SEPTIN9: variants seen among roughly 807,000 people sequenced by gnomAD.
SEPTIN9 encodes septin 9.
SEPTIN9 carries 13 observed loss-of-function variants against 56.6 expected under a neutral mutation model. The observed-to-expected ratio is 0.23, with a 90% CI of 0.15 to 0.37. The LOEUF is 0.37. Ranked by LOEUF, SEPTIN9 falls within the 10% of genes least tolerant of loss-of-function variation. The pLI, the probability that SEPTIN9 is intolerant of heterozygous loss-of-function variation, is 1.00. For synonymous variants in SEPTIN9, 332 were observed against 334.1 expected, an observed-to-expected ratio of 0.99 and a Z score of 0.07; for missense variants, 650 against 823.1, an observed-to-expected ratio of 0.79 and a Z score of 2.57.
At chr17:77,446,923 A>G (rs547495671) in intron 3 of SEPTIN9, 1 of 167,266 alleles carries the variant, frequency 6.0e-6, no homozygotes, top group South Asian at 2.1e-4. Context: ...TTGTGCTAAA[A>G]TGCACAGAAC....
chr17:77,474,224 C>T (rs2039120093), intron 3 of SEPTIN9, among the ~76,000 whole-genome samples: 1 of 152,126 alleles, frequency 6.6e-6, no homozygotes, highest in African/African-American at 2.4e-5. Context: ...TTGGCAGGGG[C>T]CCCAGGGCAG....
chr17:77,328,452 G>A (rs936055395), intron 2 of SEPTIN9, among the ~76,000 whole-genome samples: 5 of 152,176 alleles, frequency 3.3e-5, no homozygotes, highest in African/African-American at 2.4e-5. Flanking sequence ...TGCAACCTCC[G>A]CCTCCCAGGT....
intron 3 of SEPTIN9, among the ~76,000 whole-genome samples, chr17:77,465,372 T>A (rs1264554816): frequency 1.3e-5 from 2 of 152,222 alleles, no homozygotes; most frequent in African/African-American, 4.8e-5. Context: ...TCATGTGGTT[T>A]AGCCAACCAG....
At chr17:77,302,961 C>T (rs996773429) in intron 1 of SEPTIN9, among the ~76,000 whole-genome samples, 3 of 152,046 alleles carry the variant, frequency 2.0e-5, no homozygotes, top group African/African-American at 4.8e-5. Context: ...GAGCCCCGCT[C>T]GTCTCCTGTC....
At chr17:77,341,499 G>A (rs577719258) in intron 2 of SEPTIN9, among the ~76,000 whole-genome samples, 11 of 152,372 alleles carry the variant, frequency 7.2e-5, no homozygotes, top group African/African-American at 2.6e-4. Context: ...TGATCACTGG[G>A]CGCGGTGGCC....
chr17:77,478,972 G>C (rs58827184), intron 3 of SEPTIN9, among the ~76,000 whole-genome samples: 1 of 152,232 alleles, frequency 6.6e-6, no homozygotes, highest in Non-Finnish European at 1.5e-5. Context: ...CAGGTCCGTA[G>C]AGTAGTCAGA....
intron 2 of SEPTIN9, among the ~76,000 whole-genome samples, chr17:77,348,324 A>G (rs1266212836): frequency 8.0e-6 from 1 of 124,948 alleles, no homozygotes; most frequent in Non-Finnish European, 1.6e-5. Context: ...TTTAAGACAG[A>G]GTCTCACTCT....
In SEPTIN9 at chr17:77,498,479, C is replaced by T. The variant is rs751312894; in HGVS notation, c.1626-44C>T. 33 of 799,204 alleles carry T rather than the reference C, an allele frequency of 4.1e-5. No homozygotes were observed. The South Asian group carries it at 4.3e-4, about 10-fold the overall frequency. The allele number at this position is 799,204 out of a possible 1,614,324, so 49.5% of individuals were successfully genotyped here. On this transcript the variant is annotated intron_variant, in intron 11 of 11. Coordinates refer to ENST00000427177, the MANE Select transcript of SEPTIN9 (RefSeq NM_001113491.2). ...GGCCCCTGCCCCGCTGCCCCCACCC[C>T]GCTGCGCCCACCTCACTGACCCGCC... is the stretch of plus-strand genomic sequence containing the variant.
chr17:77,320,365 C>A, intron 2 of SEPTIN9: 1 of 1,609,496 alleles, frequency 6.2e-7, no homozygotes, highest in Non-Finnish European at 8.5e-7. Flanking sequence ...AGACAGCCCC[C>A]TCCCCATCGG....
At position 77,437,793 on chromosome 17, in the gene SEPTIN9, C is replaced by G. The variant is rs1011566922; in HGVS notation, c.721+35090C>G. 6.6e-6 allele frequency among the ~76,000 whole-genome samples: 1 copy of G among 152,188 alleles called. No homozygotes were observed. Among genetic ancestry groups the G allele is most frequent in the South Asian group, 2.1e-4 (1 of 4,826 alleles). The stretch of plus-strand genomic sequence containing the variant: ...GGAGGACTTTCTGCTGCCCCCCAAC[C>G]CCTTTCGGGTACATTCTCCTGTAGC... On this transcript the variant is annotated intron_variant, in intron 3 of 11. Transcript: ENST00000427177. The surrounding 1 kb of genome is among the most constrained non-coding windows in gnomAD (Gnocchi z 5.3).
At chr17:77,380,833 G>C (rs1459590311) in intron 2 of SEPTIN9, among the ~76,000 whole-genome samples, 1 of 152,224 alleles carries the variant, frequency 6.6e-6, no homozygotes, top group Admixed American at 6.5e-5. Flanking sequence ...GACAGCGGAA[G>C]GGTGGGGTGG....
Position 77,306,374 on chromosome 17 carries a change from G to A in SEPTIN9, c.20-767G>A, listed in dbSNP as rs892289557. On this transcript the variant is annotated intron_variant, in intron 1 of 11. Coordinates refer to ENST00000427177, the MANE Select transcript of SEPTIN9 (RefSeq NM_001113491.2). ...CGTGCTCTACAGCAATAGGGTGGCC[G>A]CCTGTGCTCCCAGGGCCGCTCCTCC... Among the ~76,000 whole-genome samples, 7 of 152,240 alleles carry A rather than the reference G, an allele frequency of 4.6e-5. No individual in the cohort carries two copies. The South Asian group carries it at 1.0e-3, about 23-fold the overall frequency.
chr17:77,482,185 A>AT lies in SEPTIN9; in HGVS notation c.763_764insT (p.Thr255IlefsTer28). The AT allele has an allele frequency of 6.2e-7, 1 of 1,606,740 alleles. No individual in the cohort carries two copies. The highest frequency in any genetic ancestry group is 8.5e-7 in the Non-Finnish European group (1 of 1,177,290). On this transcript the variant is annotated frameshift_variant, in exon 4 of 12. Coordinates refer to ENST00000427177, the MANE Select transcript of SEPTIN9 (RefSeq NM_001113491.2). LOFTEE classifies it high-confidence loss of function. ...CAGCTGCGTTGGCGACATGGCCGAC[A>AT]CCCCCAGAGATGCCGGGCTCAAGCA... is the stretch of plus-strand genomic sequence containing the variant.
At chr17:77,485,099 T>TTGG (rs148768337) in intron 4 of SEPTIN9, among the ~76,000 whole-genome samples, 1 of 222 alleles carries the variant, frequency 4.5e-3, no homozygotes, top group Non-Finnish European at 0.011. Context: ...ATGGTGGTGA[T>TTGG]TGTGGTGATG....
intron 1 of SEPTIN9, chr17:77,287,890 C>T: frequency 2.9e-6 from 3 of 1,035,452 alleles, no homozygotes; most frequent in Non-Finnish European, 3.5e-6. Context: ...AGCTTCAAGT[C>T]ACTGGGCGGC....
At chr17:77,290,839 A>ATAAC (rs987694654) in intron 1 of SEPTIN9, among the ~76,000 whole-genome samples, 1 of 150,440 alleles carries the variant, frequency 6.6e-6, no homozygotes, top group Non-Finnish European at 1.5e-5. Context: ...AAATAAATAA[A>ATAAC]TAAATAAATT....
intron 3 of SEPTIN9, among the ~76,000 whole-genome samples, chr17:77,480,757 G>A (rs1394174721): frequency 6.6e-6 from 1 of 152,206 alleles, no homozygotes; most frequent in Non-Finnish European, 1.5e-5. Context: ...GAGGGGCCCT[G>A]CCTGGGAGCG....
At chr17:77,366,055 G>A (rs111379883) in intron 2 of SEPTIN9, among the ~76,000 whole-genome samples, 56 of 152,208 alleles carry the variant, frequency 3.7e-4, no homozygotes, top group African/African-American at 1.2e-3. Flanking sequence ...TCTCCTGGCT[G>A]GCATGAGTTC....
At chr17:77,344,924 A>G (rs2033840843) in intron 2 of SEPTIN9, among the ~76,000 whole-genome samples, 1 of 144,848 alleles carries the variant, frequency 6.9e-6, no homozygotes, top group African/African-American at 2.6e-5. Flanking sequence ...GTGAGCCGAG[A>G]CCATGCCACT....
Sources: gnomAD v4.1 joint callset for allele counts (sites outside exome capture counted in the v4.1 genomes callset) on GRCh38, gnomAD v4.1.1 for gene constraint, Gnocchi (gnomAD v3.1) non-coding constraint, MANE v1.5 for transcripts, NCBI Gene and HGNC (gene_info 2026-07-23, HGNC 2026-07-21) for gene names.